The following BMS1 variants were observed in gnomAD, a reference collection of about 807,000 sequenced individuals.
BMS1 encodes the protein ribosome biogenesis protein BMS1 homolog.
A neutral mutation model predicts 138.7 loss-of-function variants in BMS1; 53 were observed. That is an observed-to-expected ratio of 0.38 (90% CI 0.31 to 0.48). BMS1 has a LOEUF of 0.48. Ranked by LOEUF, BMS1 falls within the 20% of genes least tolerant of loss-of-function variation. The pLI is 0.97. For missense variants in BMS1, 1,360 were observed against 1,565.5 expected, an observed-to-expected ratio of 0.87 and a Z score of 2.22; for synonymous variants, 504 against 539.9, an observed-to-expected ratio of 0.93 and a Z score of 0.92.
chr10:42,819,582 G>A (rs958320384), intron 15 of BMS1, among the ~76,000 whole-genome samples: 2 of 152,108 alleles, frequency 1.3e-5, no homozygotes, highest in African/African-American at 4.8e-5. Context: ...TGAAGGTGAG[G>A]GTGGTGGTGG....
chr10:42,802,138 T>C lies in BMS1; in HGVS notation c.2249T>C (p.Val750Ala), dbSNP rs750831167. The change falls in exon 13 of 23, where the codon GTT becomes GCT. Residue 750 changes from valine (V) to alanine (A), a missense_variant and splice_region_variant. Physicochemically the swap from Val to Ala is moderately conservative, Grantham distance 64. This residue lies in a region of BMS1 where 697 missense variants were observed against 686.2 expected (regional missense o/e 1.02). Transcript: ENST00000374518. ...EAPHDWDLEE[V>A]MNSIRDCFVT... ...TAAGTGCTGACTTTTCTGCGTAAGGTTATGAACAGTATCAGAGATTGCTTC... is the reference window on the plus strand; with the variant it reads ...TAAGTGCTGACTTTTCTGCGTAAGGCTATGAACAGTATCAGAGATTGCTTC... 6.2e-7 allele frequency: 1 copy of C among 1,611,696 alleles called. No individual in the cohort carries two copies. Among genetic ancestry groups the C allele is most frequent in the Admixed American group, 1.7e-5 (1 of 59,748 alleles).
chr10:42,804,920 G>A (rs956546211), intron 13 of BMS1, among the ~76,000 whole-genome samples: 3 of 152,200 alleles, frequency 2.0e-5, no homozygotes, highest in Admixed American at 6.5e-5. Context: ...GTTTCGCCAT[G>A]TTGGTCAGGC....
intron 13 of BMS1, among the ~76,000 whole-genome samples, chr10:42,805,675 C>T (rs1841993138): frequency 1.3e-5 from 2 of 152,160 alleles, no homozygotes; most frequent in African/African-American, 4.8e-5. Flanking sequence ...TTTCAGGATA[C>T]AGGTCTTATA....
intron 9 of BMS1, among the ~76,000 whole-genome samples, chr10:42,795,443 C>T (rs1223677837): frequency 1.3e-5 from 2 of 151,892 alleles, no homozygotes; most frequent in African/African-American, 4.8e-5. Flanking sequence ...CTTCAGCCCC[C>T]CAAGTAGCTG....
At position 42,831,239 on chromosome 10, in the gene BMS1, C is replaced by G. The variant is rs554284112; in HGVS notation, c.*143C>G. On this transcript the variant is annotated 3_prime_UTR_variant, in exon 23 of 23. Transcript: ENST00000374518. Reference sequence around the variant, plus strand: ...CAAACTGTGCCTGCAGGAGGAGGAACAGAGAAGCCTGGGCTGCTGGGACTG... The same window carrying G: ...CAAACTGTGCCTGCAGGAGGAGGAAGAGAGAAGCCTGGGCTGCTGGGACTG... The G allele has an allele frequency of 1.6e-5, 14 of 889,984 alleles. No individual in the cohort carries two copies. In the Admixed American group the frequency reaches 3.2e-4, roughly 20 times the overall value. 55.1% of individuals were successfully genotyped at this position (889,984 alleles called of 1,614,324 possible). A position where few individuals can be genotyped will look rare whatever the true frequency, so the allele number is the denominator to read the frequency against.
intron 22 of BMS1, 117 bp downstream of exon 22, chr10:42,830,539 A>G: frequency 7.4e-7 from 1 of 1,359,580 alleles, no homozygotes; most frequent in African/African-American, 1.5e-5. Flanking sequence ...AACTAAAGTC[A>G]GAGGAAGAGC....
intron 21 of BMS1, among the ~76,000 whole-genome samples, chr10:42,826,878 C>T (rs547856059): frequency 6.6e-6 from 1 of 152,072 alleles, no homozygotes; most frequent in Non-Finnish European, 1.5e-5. Context: ...ACTCAGGCTC[C>T]AAGGGGCAGG....
chr10:42,783,054 G>A (rs1026481687), intron 1 of BMS1, among the ~76,000 whole-genome samples: 2 of 152,070 alleles, frequency 1.3e-5, no homozygotes, highest in African/African-American at 4.8e-5. Flanking sequence ...AAGGTGGCTG[G>A]GCGACGTCGT....
At chr10:42,795,081 A>G (rs1375375961) in intron 9 of BMS1, among the ~76,000 whole-genome samples, 1 of 142,546 alleles carries the variant, frequency 7.0e-6, no homozygotes, top group East Asian at 1.9e-4. Context: ...TGTCCCTACA[A>G]AGGACATGAA....
At chr10:42,791,129 T>G (rs771844092) in intron 5 of BMS1, among the ~76,000 whole-genome samples, 43 of 151,986 alleles carry the variant, frequency 2.8e-4, no homozygotes, top group Admixed American at 5.2e-4. Flanking sequence ...TGTTCAGTCT[T>G]TGGCCTGCTG....
intron 18 of BMS1, 34 bp from the exon 19 acceptor site, chr10:42,822,028 T>C (rs770284058): frequency 1.3e-6 from 2 of 1,578,462 alleles, no homozygotes; most frequent in Non-Finnish European, 1.7e-6. Flanking sequence ...TTGCTGATAT[T>C]ATTCCTATTT....
At chr10:42,807,035 A>G (rs111817695) in intron 13 of BMS1, among the ~76,000 whole-genome samples, 6 of 151,216 alleles carry the variant, frequency 4.0e-5, no homozygotes, top group Admixed American at 1.3e-4. Context: ...AGTTTCACTT[A>G]TGTGTGTGTG....
chr10:42,787,052 C>A, intron 3 of BMS1, 116 bp from the exon 4 acceptor site: 1 of 783,544 alleles, frequency 1.3e-6, no homozygotes, highest in South Asian at 1.4e-5. Context: ...CTTGTATGCT[C>A]CTGTAAATGT....
At chr10:42,827,670 G>A (rs972483035) in intron 21 of BMS1, among the ~76,000 whole-genome samples, 6 of 152,074 alleles carry the variant, frequency 3.9e-5, no homozygotes, top group African/African-American at 1.4e-4. Context: ...GGGTGGTGGG[G>A]GGCAGATATT....
chr10:42,820,689 G>C lies in BMS1; in HGVS notation c.2950+1G>C. The C allele has an allele frequency of 6.2e-7, 1 of 1,610,966 alleles. No individual in the cohort carries two copies. The highest frequency in any genetic ancestry group is 8.5e-7 in the Non-Finnish European group (1 of 1,179,052). Reference sequence around the variant, plus strand: ...ATGCATTGCGGAGCAGCCTTTTGGGGTAAAATATGATTACAATAACTTGCC... The same window carrying C: ...ATGCATTGCGGAGCAGCCTTTTGGGCTAAAATATGATTACAATAACTTGCC... On this transcript the variant is annotated splice_donor_variant, in intron 17 of 22. Coordinates refer to ENST00000374518, the MANE Select transcript of BMS1 (RefSeq NM_014753.4). LOFTEE classifies it high-confidence loss of function.
intron 20 of BMS1, 141 bp downstream of exon 20, chr10:42,823,406 A>G (rs1159749221): frequency 7.2e-6 from 9 of 1,248,312 alleles, no homozygotes; most frequent in East Asian, 2.5e-5. Flanking sequence ...GGGTGTGCCC[A>G]TTCGCTTTGT....
chr10:42,823,795 C>T lies in BMS1; in HGVS notation c.3456+11C>T, dbSNP rs910160816. 3.2e-5 allele frequency: 50 copies of T among 1,548,238 alleles called. No homozygotes were observed. Among genetic ancestry groups the T allele is most frequent in the Non-Finnish European group, 3.8e-5 (44 of 1,157,238 alleles). Reference sequence around the variant, plus strand: ...GACTCTCTGTATAAGGTACTGGTCGCGTGTGTGTTAGTGGAGATGAAGCCT... The same window carrying T: ...GACTCTCTGTATAAGGTACTGGTCGTGTGTGTGTTAGTGGAGATGAAGCCT... On this transcript the variant is annotated intron_variant, in intron 21 of 22. Coordinates refer to ENST00000374518, the MANE Select transcript of BMS1 (RefSeq NM_014753.4).
In BMS1 at chr10:42,834,307, C is replaced by A. The variant is rs913591090; in HGVS notation, c.*3211C>A. 2.8e-4 allele frequency: 43 copies of A among 152,078 alleles called. 1 individual carries two copies. The allele number at this position is 152,078 out of a possible 1,614,324, so 9.4% of individuals were successfully genotyped here. On this transcript the variant is annotated 3_prime_UTR_variant, in exon 23 of 23. Coordinates refer to ENST00000374518, the MANE Select transcript of BMS1 (RefSeq NM_014753.4). ...GTATTATCATTTGGTGACATGCCCGCCATTTCAGAAATAAATGTTTGAGCA... is the reference window on the plus strand; with the variant it reads ...GTATTATCATTTGGTGACATGCCCGACATTTCAGAAATAAATGTTTGAGCA...
In BMS1 at chr10:42,833,612, A is replaced by G. The variant is rs1490666555; in HGVS notation, c.*2516A>G. On this transcript the variant is annotated 3_prime_UTR_variant, in exon 23 of 23. Transcript: ENST00000374518. ...ATCGAAACATAGAAAAGGCGTAGCA[A>G]AAATACAGTATTGTGGAACCACTGC... The G allele has an allele frequency of 6.6e-6, 1 of 152,246 alleles. No homozygotes were observed. Among genetic ancestry groups the G allele is most frequent in the Admixed American group, 6.5e-5 (1 of 15,284 alleles). The allele number at this position is 152,246 out of a possible 1,614,324, so 9.4% of individuals were successfully genotyped here. A position where few individuals can be genotyped will look rare whatever the true frequency, so the allele number is the denominator to read the frequency against.
Sources: allele counts gnomAD v4.1 joint callset (sites outside exome capture counted in the v4.1 genomes callset), GRCh38; gene constraint gnomAD v4.1.1; regional missense constraint gnomAD v4.1.1; transcripts MANE v1.5; gene names NCBI Gene and HGNC (gene_info 2026-07-23, HGNC 2026-07-21).